Variants in ZNF518A observed in about 807,000 individuals in gnomAD.
The protein encoded by ZNF518A is zinc finger protein 518.
In ZNF518A, 47 loss-of-function variants were observed where a neutral mutation model predicts 102.7. That is an observed-to-expected ratio of 0.46 (90% CI 0.36 to 0.58). The LOEUF is 0.58. Ranked by LOEUF, ZNF518A falls within the 20% of genes least tolerant of loss-of-function variation. The pLI, the probability that ZNF518A is intolerant of heterozygous loss-of-function variation, is 0.00. For synonymous variants in ZNF518A, 652 were observed against 594.6 expected (o/e 1.10, Z -1.40); for missense variants, 1,793 against 1,699.8 (o/e 1.05, Z -0.96).
At chr10:96,139,927 C>T (rs1554875850) in intron 3 of ZNF518A, among the ~76,000 whole-genome samples, 2 of 151,010 alleles carry the variant, frequency 1.3e-5, no homozygotes, top group African/African-American at 2.4e-5. Flanking sequence ...GGTGTGATCT[C>T]GGCTGACTGC....
At chr10:96,187,888 C>T (rs2083281876) in intron 1 of ZNF518A, among the ~76,000 whole-genome samples, 1 of 152,220 alleles carries the variant, frequency 6.6e-6, no homozygotes, top group African/African-American at 2.4e-5. Flanking sequence ...CTCTGTGGCC[C>T]AGGCCAGAGT....
At chr10:96,188,436 G>A (rs782363331) in intron 1 of ZNF518A, among the ~76,000 whole-genome samples, 40 of 152,338 alleles carry the variant, frequency 2.6e-4, no homozygotes, top group Admixed American at 1.2e-3. Flanking sequence ...TACCTAGCTG[G>A]AGTAGGACAC....
downstream of ZNF518A, among the ~76,000 whole-genome samples, chr10:96,165,487 AAAC>A (rs781895071): frequency 0.24 from 33,170 of 137,274 alleles, 4,305 homozygotes; most frequent in East Asian, 0.35. Context: ...AAAAAAAAAA[AAAC>A]AGACACCAAA....
chr10:96,180,591 G>A (rs1467839860), intron 1 of ZNF518A, among the ~76,000 whole-genome samples: 4 of 151,766 alleles, frequency 2.6e-5, no homozygotes, highest in African/African-American at 4.8e-5. Context: ...GAGAACATGC[G>A]GTGTTAGGTT....
chr10:96,171,741 AT>A (rs1161940505), intron 1 of ZNF518A, among the ~76,000 whole-genome samples: 1 of 152,120 alleles, frequency 6.6e-6, no homozygotes, highest in East Asian at 1.9e-4. Flanking sequence ...GTAATGAAAA[AT>A]TTTTTAAGTA....
chr10:96,160,400 G>A lies in ZNF518A; in HGVS notation c.4078G>A (p.Val1360Ile), dbSNP rs1270081193. 3 of 1,613,178 alleles carry A rather than the reference G, an allele frequency of 1.9e-6. No homozygotes were observed. Among genetic ancestry groups the A allele is most frequent in the Non-Finnish European group, 2.5e-6 (3 of 1,179,572 alleles). ...TCATCCTGACGCAGATGCACCAGAA[G>A]TAGTAAGTGTAATGAAAACTATTGC... ...LNHPDADAPE[V>I]VSVMKTIAKF... Residue 1360 changes from valine (V) to isoleucine (I), a missense_variant, in exon 6 of 6, where the codon GTA becomes ATA. This residue lies in a region of ZNF518A where 1,741 missense variants were observed against 1,622.6 expected (regional missense o/e 1.07). Coordinates refer to ENST00000316045, the MANE Select transcript of ZNF518A (RefSeq NM_001330736.2).
At chr10:96,148,355 G>A (rs1331244231) in intron 3 of ZNF518A, among the ~76,000 whole-genome samples, 8 of 152,190 alleles carry the variant, frequency 5.3e-5, no homozygotes, top group East Asian at 1.9e-4. Flanking sequence ...CAGGAGAATC[G>A]CTTGAACCTG....
chr10:96,149,845 T>G (rs2082345075), intron 3 of ZNF518A, among the ~76,000 whole-genome samples: 1 of 152,218 alleles, frequency 6.6e-6, no homozygotes, highest in African/African-American at 2.4e-5. Context: ...TCAATGTATA[T>G]ATTTTCCTCA....
At chr10:96,166,939 T>A (rs587701716), downstream of ZNF518A, among the ~76,000 whole-genome samples, 1 of 152,176 alleles carries the variant, frequency 6.6e-6, no homozygotes, top group South Asian at 2.1e-4. Flanking sequence ...ACTCCTTAAG[T>A]AGTGAAAGCA....
intron 1 of ZNF518A, among the ~76,000 whole-genome samples, chr10:96,171,068 C>A (rs1554890851): frequency 6.6e-6 from 1 of 151,302 alleles, no homozygotes; most frequent in Non-Finnish European, 1.5e-5. Flanking sequence ...GAGTTTGGAA[C>A]CCTCATACAC....
intron 1 of ZNF518A, chr10:96,189,712 T>G (rs2083299248): frequency 4.2e-6 from 3 of 712,350 alleles, no homozygotes; most frequent in South Asian, 4.2e-5. Flanking sequence ...ATCATCATCA[T>G]CATCATCATC....
chr10:96,159,569 A>G lies in ZNF518A; in HGVS notation c.3247A>G (p.Lys1083Glu). ...STKLNISDSVKQQNEIFPKPP... is the reference protein window; with the variant it reads ...STKLNISDSVEQQNEIFPKPP... Reference sequence around the variant, plus strand: ...TAAGTTGAATATCTCCGATTCAGTAAAACAGCAGAATGAGATTTTTCCAAA... The same window carrying G: ...TAAGTTGAATATCTCCGATTCAGTAGAACAGCAGAATGAGATTTTTCCAAA... The change falls in exon 6 of 6, where the codon AAA (lysine) becomes GAA (glutamate). Residue 1083 changes from lysine to glutamate, a missense_variant. Lys to Glu is a moderately conservative substitution (Grantham distance 56). This residue lies in a region of ZNF518A where 1,741 missense variants were observed against 1,622.6 expected (regional missense o/e 1.07). Coordinates refer to ENST00000316045, the MANE Select transcript of ZNF518A (RefSeq NM_001330736.2). 1 of 1,613,902 alleles carries G rather than the reference A, an allele frequency of 6.2e-7. No homozygotes were observed. The highest frequency in any genetic ancestry group is 8.5e-7 in the Non-Finnish European group (1 of 1,179,800).
chr10:96,160,858 C>G lies in ZNF518A; in HGVS notation c.*84C>G. ...TCAGTTACCATAATGCAGACATTTT[C>G]TACTTCAGTATAGTACCTGAAATCG... On this transcript the variant is annotated 3_prime_UTR_variant, in exon 6 of 6. Coordinates refer to ENST00000316045, the MANE Select transcript of ZNF518A (RefSeq NM_001330736.2). The G allele has an allele frequency of 1.5e-6, 2 of 1,368,524 alleles. No individual in the cohort carries two copies. The highest frequency in any genetic ancestry group is 1.9e-6 in the Non-Finnish European group (2 of 1,034,062). The allele number at this position is 1,368,524 out of a possible 1,614,324, so 84.8% of individuals were successfully genotyped here. A position where few individuals can be genotyped will look rare whatever the true frequency, so the allele number is the denominator to read the frequency against.
At chr10:96,184,047 C>T (rs1483229690) in intron 1 of ZNF518A, among the ~76,000 whole-genome samples, 5 of 152,078 alleles carry the variant, frequency 3.3e-5, no homozygotes, top group East Asian at 1.9e-4. Flanking sequence ...TTGTTGAATT[C>T]GTCCCTTTAC....
intron 3 of ZNF518A, among the ~76,000 whole-genome samples, chr10:96,134,095 C>A (rs1168808259): frequency 6.6e-6 from 1 of 152,186 alleles, no homozygotes; most frequent in African/African-American, 2.4e-5. Context: ...TTTTTGAGTG[C>A]TGACATGAAG....
chr10:96,133,211 T>C (rs1591090615), intron 2 of ZNF518A, among the ~76,000 whole-genome samples: 2 of 152,110 alleles, frequency 1.3e-5, no homozygotes, highest in Non-Finnish European at 2.9e-5. Flanking sequence ...TAATGAACAG[T>C]GGAGATAAAG....
At chr10:96,152,386 A>T (rs1049152092) in intron 3 of ZNF518A, among the ~76,000 whole-genome samples, 8 of 152,226 alleles carry the variant, frequency 5.3e-5, no homozygotes, top group Non-Finnish European at 1.2e-4. Flanking sequence ...ATTAGCTCAT[A>T]GGTTGGAGGA....
In ZNF518A at chr10:96,202,618, G is replaced by A. The variant is rs117712139; in HGVS notation, n.36-956G>A. Among the ~76,000 whole-genome samples, 287 of 152,224 alleles carry A rather than the reference G, an allele frequency of 1.9e-3. 2 individuals carry two copies. The highest frequency in any genetic ancestry group is 0.014 in the Admixed American group (211 of 15,286). On this transcript the variant is annotated intron_variant and non_coding_transcript_variant, in intron 1 of 2. Coordinates refer to the ZNF518A transcript ENST00000442635. ...GGCAGCCACCATTGTAAGAGGAGGG[G>A]GCAGTGAGGGCTTGGCAGGCCCAAC... is the stretch of plus-strand genomic sequence containing the variant.
chr10:96,178,326 G>T (rs1488108983), intron 1 of ZNF518A, among the ~76,000 whole-genome samples: 3 of 152,030 alleles, frequency 2.0e-5, no homozygotes, highest in African/African-American at 7.2e-5. Context: ...TGAATACATG[G>T]AAATTAAACA....
Sources: allele counts gnomAD v4.1 joint callset (sites outside exome capture counted in the v4.1 genomes callset), GRCh38; gene constraint gnomAD v4.1.1; regional missense constraint gnomAD v4.1.1; transcripts MANE v1.5; gene names NCBI Gene and HGNC (gene_info 2026-07-23, HGNC 2026-07-21).